Variants in UACA observed in about 807,000 individuals in gnomAD.
The protein encoded by UACA is uveal autoantigen with coiled-coil domains and ankyrin repeats.
A neutral mutation model predicts 160.5 loss-of-function variants in UACA; 112 were observed. That is an observed-to-expected ratio of 0.70 (90% confidence interval 0.60 to 0.82). The LOEUF (loss-of-function observed/expected upper bound fraction) is 0.82. Among genes scored for constraint, UACA ranks in the 40% least tolerant of loss-of-function variants. The pLI is 0.00. For synonymous variants in UACA, 557 were observed against 568.4 expected, an observed-to-expected ratio of 0.98 and a Z score of 0.29; for missense variants, 1,574 against 1,614.6, an observed-to-expected ratio of 0.97 and a Z score of 0.43.
At chr15:70,713,534 G>T (rs1332815968) in intron 1 of UACA, among the ~76,000 whole-genome samples, 1 of 152,176 alleles carries the variant, frequency 6.6e-6, no homozygotes, top group African/African-American at 2.4e-5. Context: ...TGCATAATGA[G>T]TAAGACAATC....
chr15:70,762,808 C>A (rs1322321134), intron 1 of UACA, among the ~76,000 whole-genome samples: 3 of 152,246 alleles, frequency 2.0e-5, no homozygotes, highest in Non-Finnish European at 4.4e-5. Flanking sequence ...TCCACCAGCC[C>A]GGCAGGGCTT....
chr15:70,659,408 T>TTTTG (rs1896615120), intron 18 of UACA, among the ~76,000 whole-genome samples: 4 of 130,878 alleles, frequency 3.1e-5, no homozygotes, highest in Non-Finnish European at 4.9e-5. Flanking sequence ...TTTTTTTTTT[T>TTTTG]TTTTTTTTTT....
At position 70,708,106 on chromosome 15, in the gene UACA, A is replaced by T. The variant is rs1272058408; in HGVS notation, c.79-8446T>A. Among the ~76,000 whole-genome samples, 3 of 152,210 alleles carry T rather than the reference A, an allele frequency of 2.0e-5. No homozygotes were observed. In the East Asian group the frequency reaches 5.8e-4, roughly 29 times the overall value. Reference sequence around the variant, plus strand: ...CTATTTAGCCTTAAAAAGGAAGGAAATCCTGTCACATGCTACGACATAGAT... The same window carrying T: ...CTATTTAGCCTTAAAAAGGAAGGAATTCCTGTCACATGCTACGACATAGAT... On this transcript the variant is annotated intron_variant, in intron 1 of 18. Transcript: ENST00000322954.
intron 1 of UACA, chr15:70,701,756 TAATC>T (rs1194798470): frequency 3.0e-5 from 28 of 933,336 alleles, no homozygotes; most frequent in Non-Finnish European, 3.9e-5. Flanking sequence ...CTAATCAACT[TAATC>T]AAGAAGAAAA....
chr15:70,709,924 G>C (rs953771951), intron 1 of UACA, among the ~76,000 whole-genome samples: 1 of 152,084 alleles, frequency 6.6e-6, no homozygotes, highest in Non-Finnish European at 1.5e-5. Context: ...GAGTCATCCC[G>C]AACAAAAGTA....
rs1362641870 is a variant in UACA at position 70,657,295 on chromosome 15, T to C, written c.4180-168A>G. 2.0e-5 allele frequency among the ~76,000 whole-genome samples: 3 copies of C among 151,994 alleles called. No homozygotes were observed. In the East Asian group the frequency reaches 5.8e-4, roughly 29 times the overall value. ...TACTGGAAAAGGGAGTACAGCCCTA[T>C]CATGAAAATAAGATCAATTAATAAG... On this transcript the variant is annotated intron_variant, in intron 18 of 18. Coordinates refer to ENST00000322954, the MANE Select transcript of UACA (RefSeq NM_018003.4).
In UACA at chr15:70,668,071, T is replaced by C; in HGVS notation, c.2613A>G (p.Thr871=). The part of the protein sequence containing the change: ...PVKTHEEVKM[T]LNDTLAKTNR... ...TAGTTTTGGCTAACGTGTCATTCAG[T>C]GTCATTTTAACCTCTTCATGGGTTT... The change falls in exon 16 of 19, where the codon ACA becomes ACG. Residue 871 remains threonine, a synonymous_variant. Coordinates refer to ENST00000322954, the MANE Select transcript of UACA (RefSeq NM_018003.4). The C allele has an allele frequency of 6.2e-7, 1 of 1,613,438 alleles. No homozygotes were observed.
intron 7 of UACA, among the ~76,000 whole-genome samples, chr15:70,686,307 C>T (rs1897714809): frequency 1.3e-5 from 2 of 151,820 alleles, no homozygotes; most frequent in Admixed American, 1.3e-4. Context: ...TAAATCAATA[C>T]ATATAAGGTA....
In UACA at chr15:70,671,948, C is replaced by A; in HGVS notation, c.1168+17G>T. 2 of 1,584,006 alleles carry A rather than the reference C, an allele frequency of 1.3e-6. No homozygotes were observed. The highest frequency in any genetic ancestry group is 2.3e-5 in the South Asian group (2 of 85,472). On this transcript the variant is annotated intron_variant, in intron 14 of 18. Transcript: ENST00000322954. ...AACTAGGTGAACTGTAATGATAATC[C>A]ATACTTTTATACTTACGGTTACTGA...
chr15:70,700,318 T>TACAC (rs34361847), intron 1 of UACA, among the ~76,000 whole-genome samples: 70 of 139,788 alleles, frequency 5.0e-4, no homozygotes, highest in African/African-American at 7.9e-4. Context: ...TATATATATA[T>TACAC]ACACACACAC....
Position 70,679,601 on chromosome 15 carries a change from T to C in UACA, c.891+7A>G. ...AAAGGAAGACACCATTATTTTTTTC[T>C]TTTTACCTGAATATTTTGATGCTCC... On this transcript the variant is annotated splice_region_variant and intron_variant, in intron 10 of 18. Transcript: ENST00000322954. 1 of 1,575,168 alleles carries C rather than the reference T, an allele frequency of 6.3e-7. No individual in the cohort carries two copies. Among genetic ancestry groups the C allele is most frequent in the Non-Finnish European group, 8.6e-7 (1 of 1,158,522 alleles).
At position 70,671,227 on chromosome 15, in the gene UACA, T is replaced by C. The variant is rs111276651; in HGVS notation, c.1169-136A>G. 3 of 517,286 alleles carry C rather than the reference T, an allele frequency of 5.8e-6. No homozygotes were observed. In the African/African-American group the frequency reaches 5.9e-5, roughly 10 times the overall value. 32.0% of individuals were successfully genotyped at this position (517,286 alleles called of 1,614,324 possible). Reference sequence around the variant, plus strand: ...GTACAACACAAAAGTATCCTCATTCTAAAATACCCATTTTCCCCTTATTAT... The same window carrying C: ...GTACAACACAAAAGTATCCTCATTCCAAAATACCCATTTTCCCCTTATTAT... On this transcript the variant is annotated intron_variant, in intron 14 of 18. Transcript: ENST00000322954.
At chr15:70,755,677 A>AAAT (rs995939619) in intron 1 of UACA, among the ~76,000 whole-genome samples, 6 of 99,106 alleles carry the variant, frequency 6.1e-5, no homozygotes, top group African/African-American at 4.1e-4. Flanking sequence ...TCTCAAAAAT[A>AAAT]AAAAAAAAAA....
intron 13 of UACA, among the ~76,000 whole-genome samples, chr15:70,675,575 A>C (rs566176317): frequency 6.6e-6 from 1 of 152,332 alleles, no homozygotes; most frequent in South Asian, 2.1e-4. Context: ...AACATCATAG[A>C]TTAGTTTTAT....
rs189830275 is a variant in UACA, at chr15:70,736,474, G to A, written c.78+26856C>T. 6.2e-3 allele frequency among the ~76,000 whole-genome samples: 945 copies of A among 151,942 alleles called. 5 individuals carry two copies. The highest frequency in any genetic ancestry group is 0.01 in the Admixed American group (159 of 15,254). On this transcript the variant is annotated intron_variant, in intron 1 of 18. Transcript: ENST00000322954. ...GGGTGGGATGGAGTCTCACTCTGCC[G>A]CCCAGGCTAGAGTACAGCCGCACGA...
intron 1 of UACA, chr15:70,701,978 T>A: frequency 6.2e-7 from 1 of 1,602,786 alleles, no homozygotes; most frequent in Non-Finnish European, 8.5e-7. Flanking sequence ...CAAATCTCTG[T>A]AAGCTCACAA....
chr15:70,681,323 AC>A (rs146810482), intron 9 of UACA, among the ~76,000 whole-genome samples: 3,730 of 152,236 alleles, frequency 0.025, 63 homozygotes, highest in Non-Finnish European at 0.037. Flanking sequence ...TACATTTGCA[AC>A]TATACTGTAG....
chr15:70,701,424 C>T (rs1373981514), intron 1 of UACA, among the ~76,000 whole-genome samples: 1 of 152,150 alleles, frequency 6.6e-6, no homozygotes, highest in Non-Finnish European at 1.5e-5. Context: ...CACACAAATG[C>T]TTGTTCTAGA....
At chr15:70,719,241 A>G (rs914299506) in intron 1 of UACA, among the ~76,000 whole-genome samples, 1 of 152,238 alleles carries the variant, frequency 6.6e-6, no homozygotes, top group Non-Finnish European at 1.5e-5. Flanking sequence ...AGAAACTCCC[A>G]ACTATTTCCC....
Sources: allele counts gnomAD v4.1 joint callset (sites outside exome capture counted in the v4.1 genomes callset), GRCh38; gene constraint gnomAD v4.1.1; transcripts MANE v1.5; gene names NCBI Gene and HGNC (gene_info 2026-07-23, HGNC 2026-07-21).